Variants in NBEA observed in about 807,000 individuals in gnomAD.
NBEA encodes the protein lysosomal-trafficking regulator 2.
In NBEA, 44 loss-of-function variants were observed where a neutral mutation model predicts 343.4. The observed-to-expected ratio is 0.13, with a 90% confidence interval of 0.10 to 0.16. The LOEUF (loss-of-function observed/expected upper bound fraction) is 0.16. Ranked by LOEUF, NBEA falls within the 10% of genes least tolerant of loss-of-function variation. NBEA has a pLI of 1.00. For missense variants in NBEA, 2,555 were observed against 3,631.3 expected (o/e 0.70, Z 7.62); for synonymous variants, 1,175 against 1,238.7 (o/e 0.95, Z 1.08).
chr13:35,430,147 G>T (rs1234858445), intron 38 of NBEA, among the ~76,000 whole-genome samples: 4 of 151,544 alleles, frequency 2.6e-5, no homozygotes, highest in Non-Finnish European at 5.9e-5. Context: ...TTTTGATTAT[G>T]TTCATTCTTG....
At chr13:35,137,068 T>C (rs2067773328) in intron 17 of NBEA, among the ~76,000 whole-genome samples, 1 of 152,242 alleles carries the variant, frequency 6.6e-6, no homozygotes, top group South Asian at 2.1e-4. Flanking sequence ...ATTGATACTT[T>C]CTAAAATTGA....
intron 1 of NBEA, among the ~76,000 whole-genome samples, chr13:35,004,478 G>T (rs1431029680): frequency 6.6e-6 from 1 of 152,154 alleles, no homozygotes; most frequent in African/African-American, 2.4e-5. Flanking sequence ...GGGGAAAAAA[G>T]CACTGGACAA....
rs532799557 is a variant in NBEA, at chr13:34,987,254, T to C, written c.294+44140T>C. On this transcript the variant is annotated intron_variant, in intron 1 of 58. Transcript: ENST00000379939. ...AAGGATTTTATTTCTCCTTCACTTA[T>C]GAAGCCTAGTTTGGCTGGATATGAA... 2.0e-5 allele frequency among the ~76,000 whole-genome samples: 3 copies of C among 151,148 alleles called. No individual in the cohort carries two copies. In the East Asian group the frequency reaches 5.8e-4, roughly 29 times the overall value.
intron 35 of NBEA, among the ~76,000 whole-genome samples, chr13:35,300,072 C>T (rs749288914): frequency 1.2e-4 from 19 of 152,316 alleles, no homozygotes; most frequent in Admixed American, 3.9e-4. Context: ...TTTCTTGTCA[C>T]AAAGTTTTGT....
chr13:35,040,842 G>A (rs1206727759), intron 1 of NBEA, 91 bp from the exon 2 acceptor site: 10 of 1,072,534 alleles, frequency 9.3e-6, no homozygotes, highest in South Asian at 3.0e-5. Context: ...ATTTTTTAGA[G>A]TAGTAGCTTT....
intron 41 of NBEA, among the ~76,000 whole-genome samples, chr13:35,501,314 G>A (rs1225087600): frequency 1.3e-5 from 2 of 152,134 alleles, no homozygotes; most frequent in African/African-American, 2.4e-5. Flanking sequence ...GCAACGTGTG[G>A]AAAATACCAG....
chr13:34,985,536 G>A (rs572291278), intron 1 of NBEA, among the ~76,000 whole-genome samples: 1 of 151,074 alleles, frequency 6.6e-6, no homozygotes, highest in African/African-American at 2.4e-5. Context: ...TTTGGTATCA[G>A]GATGATGCTG....
At chr13:35,298,172 AGTGTGT>A (rs373685774) in intron 35 of NBEA, among the ~76,000 whole-genome samples, 1 of 138,090 alleles carries the variant, frequency 7.2e-6, no homozygotes, top group African/African-American at 2.7e-5. Flanking sequence ...ATACATAGCC[AGTGTGT>A]GTGTGTGTAT....
chr13:35,297,640 T>G (rs2036222515), intron 35 of NBEA, among the ~76,000 whole-genome samples: 1 of 152,000 alleles, frequency 6.6e-6, no homozygotes, highest in Admixed American at 6.5e-5. Context: ...TCATTTCAAT[T>G]ATGCTACAAA....
chr13:35,576,400 G>C (rs763914405), intron 45 of NBEA, among the ~76,000 whole-genome samples: 1 of 152,084 alleles, frequency 6.6e-6, no homozygotes, highest in Non-Finnish European at 1.5e-5. Flanking sequence ...TTACAGGCAT[G>C]AGCCACTGCC....
At chr13:34,961,101 C>T (rs17051760) in intron 1 of NBEA, among the ~76,000 whole-genome samples, 5,457 of 151,938 alleles carry the variant, frequency 0.036, 318 homozygotes, top group African/African-American at 0.12. Flanking sequence ...AGTTTTGGAT[C>T]GGTATGCATT....
chr13:35,220,247 CTTATT>C (rs1173535257), intron 33 of NBEA, among the ~76,000 whole-genome samples: 1 of 152,124 alleles, frequency 6.6e-6, no homozygotes, highest in African/African-American at 2.4e-5. Context: ...AGAAAGTATA[CTTATT>C]TTATTGGTCA....
At chr13:34,951,466 C>T (rs186248389) in intron 1 of NBEA, among the ~76,000 whole-genome samples, 1 of 152,272 alleles carries the variant, frequency 6.6e-6, no homozygotes, top group East Asian at 1.9e-4. Flanking sequence ...TGAGAATCAC[C>T]TGACCATAGA....
intron 41 of NBEA, among the ~76,000 whole-genome samples, chr13:35,539,498 A>C (rs1173149357): frequency 6.6e-6 from 1 of 152,190 alleles, no homozygotes; most frequent in Non-Finnish European, 1.5e-5. Flanking sequence ...GCCACTTTTT[A>C]AATACCTACT....
intron 30 of NBEA, among the ~76,000 whole-genome samples, chr13:35,190,185 A>G (rs187786284): frequency 3.8e-4 from 58 of 152,268 alleles, no homozygotes; most frequent in African/African-American, 1.3e-3. Flanking sequence ...TAGTGAGAAA[A>G]GCCTGTCTCC....
At chr13:35,094,105 CAAAAAT>C (rs892385033) in intron 10 of NBEA, among the ~76,000 whole-genome samples, 5 of 151,544 alleles carry the variant, frequency 3.3e-5, no homozygotes, top group African/African-American at 1.2e-4. Context: ...CTATATTTGT[CAAAAAT>C]AAAATACGCT....
intron 38 of NBEA, among the ~76,000 whole-genome samples, chr13:35,424,164 T>TA (rs1242245294): frequency 2.6e-5 from 4 of 152,200 alleles, no homozygotes; most frequent in Admixed American, 2.6e-4. Flanking sequence ...CTGATTGCCC[T>TA]GGCCAGAACT....
intron 1 of NBEA, among the ~76,000 whole-genome samples, chr13:34,948,614 A>G (rs1168135565): frequency 6.6e-6 from 1 of 152,206 alleles, no homozygotes; most frequent in Non-Finnish European, 1.5e-5. Context: ...TAACATAGAC[A>G]TTAGTATCTG....
chr13:34,959,325 G>A (rs1222628269), intron 1 of NBEA, among the ~76,000 whole-genome samples: 3 of 151,984 alleles, frequency 2.0e-5, no homozygotes, highest in Admixed American at 2.0e-4. Context: ...TGCTGTTGTT[G>A]TTGGAAGTCG....
Sources: gnomAD v4.1 joint callset for allele counts (sites outside exome capture counted in the v4.1 genomes callset) on GRCh38, gnomAD v4.1.1 for gene constraint, MANE v1.5 for transcripts, NCBI Gene and HGNC (gene_info 2026-07-23, HGNC 2026-07-21) for gene names.